Variants in SNTG1 observed in about 807,000 individuals in gnomAD.
The protein encoded by SNTG1 is gamma-1-syntrophin.
A neutral mutation model predicts 74.7 loss-of-function variants in SNTG1; 39 were observed. That is an observed-to-expected ratio of 0.52 (90% CI 0.40 to 0.68). The LOEUF (loss-of-function observed/expected upper bound fraction) is 0.68. Ranked by LOEUF, SNTG1 falls within the 30% of genes least tolerant of loss-of-function variation. The pLI is 0.00. For missense variants in SNTG1, 685 were observed against 609.5 expected (o/e 1.12, Z -1.30); for synonymous variants, 254 against 217.1 (o/e 1.17, Z -1.49).
chr8:50,374,498 G>T (rs75229384), intron 2 of SNTG1, among the ~76,000 whole-genome samples: 2 of 152,150 alleles, frequency 1.3e-5, no homozygotes, highest in African/African-American at 4.8e-5. Context: ...GTTGTAAGGC[G>T]CACAAAAGAT....
intron 13 of SNTG1, among the ~76,000 whole-genome samples, chr8:50,615,142 AG>A (rs1000161482): frequency 1.3e-5 from 2 of 151,916 alleles, no homozygotes; most frequent in Non-Finnish European, 2.9e-5. Context: ...TTGTATTTTT[AG>A]TAGAGACGGG....
intron 2 of SNTG1, among the ~76,000 whole-genome samples, chr8:50,253,648 CAT>C (rs1298233841): frequency 3.4e-5 from 5 of 147,820 alleles, no homozygotes; most frequent in African/African-American, 4.9e-5. Context: ...TATATACACA[CAT>C]ATATATGTAT....
intron 2 of SNTG1, among the ~76,000 whole-genome samples, chr8:50,214,334 A>G (rs1350797765): frequency 6.6e-6 from 1 of 151,590 alleles, no homozygotes; most frequent in Non-Finnish European, 1.5e-5. Context: ...GGTGCAGCAC[A>G]CCAGCATGGC....
chr8:50,563,570 A>T (rs1020048367), intron 12 of SNTG1, among the ~76,000 whole-genome samples: 1 of 152,080 alleles, frequency 6.6e-6, no homozygotes, highest in Non-Finnish European at 1.5e-5. Context: ...TGTCTGATAG[A>T]CAAATTTTTT....
intron 18 of SNTG1, among the ~76,000 whole-genome samples, chr8:50,760,023 G>A (rs2095593545): frequency 1.3e-5 from 2 of 152,066 alleles, no homozygotes; most frequent in African/African-American, 4.8e-5. Context: ...ATTCCCTCGA[G>A]CAGTGGTTTG....
At chr8:50,369,256 T>A (rs2092206657) in intron 2 of SNTG1, among the ~76,000 whole-genome samples, 1 of 152,190 alleles carries the variant, frequency 6.6e-6, no homozygotes, top group African/African-American at 2.4e-5. Flanking sequence ...AGTGAAATGA[T>A]GCCATAAGAA....
At chr8:50,697,646 G>A (rs2095409810) in intron 15 of SNTG1, among the ~76,000 whole-genome samples, 1 of 152,026 alleles carries the variant, frequency 6.6e-6, no homozygotes, top group Admixed American at 6.6e-5. Flanking sequence ...CTCTTATGAA[G>A]CGATGTTGAA....
intron 13 of SNTG1, among the ~76,000 whole-genome samples, chr8:50,649,017 G>A (rs953643087): frequency 1.3e-5 from 2 of 152,080 alleles, no homozygotes; most frequent in Non-Finnish European, 2.9e-5. Context: ...TGTTCCTTGA[G>A]ATTCATTCAT....
chr8:50,014,212 T>C (rs2130606302), intron 1 of SNTG1, among the ~76,000 whole-genome samples: 1 of 152,272 alleles, frequency 6.6e-6, no homozygotes, highest in South Asian at 2.1e-4. Flanking sequence ...CTAAAAATAC[T>C]ATCCCCAGAG....
chr8:50,174,759 G>A (rs998565686), intron 2 of SNTG1, among the ~76,000 whole-genome samples: 2 of 151,866 alleles, frequency 1.3e-5, no homozygotes, highest in East Asian at 3.9e-4. Context: ...TGTGCACAAC[G>A]TGCAGGTTTG....
chr8:50,670,827 A>T (rs1415779347), intron 15 of SNTG1, among the ~76,000 whole-genome samples: 1 of 151,280 alleles, frequency 6.6e-6, no homozygotes, highest in Non-Finnish European at 1.5e-5. Context: ...ACAGCATGGT[A>T]CTGGTACCAA....
At chr8:50,522,938 T>C (rs1324747447) in intron 9 of SNTG1, among the ~76,000 whole-genome samples, 1 of 152,186 alleles carries the variant, frequency 6.6e-6, no homozygotes, top group African/African-American at 2.4e-5. Context: ...GGCTATTTAA[T>C]GGATACATCA....
At chr8:50,622,066 C>T (rs1009520274) in intron 13 of SNTG1, among the ~76,000 whole-genome samples, 1 of 152,152 alleles carries the variant, frequency 6.6e-6, no homozygotes, top group Non-Finnish European at 1.5e-5. Flanking sequence ...CATGCTAATT[C>T]TCCAACTTGC....
chr8:50,149,145 T>C (rs898924633), intron 1 of SNTG1, among the ~76,000 whole-genome samples: 1 of 152,244 alleles, frequency 6.6e-6, no homozygotes, highest in African/African-American at 2.4e-5. Context: ...ATGCCAGTGA[T>C]GATGAGCATT....
chr8:50,013,575 A>G (rs533635389), intron 1 of SNTG1, among the ~76,000 whole-genome samples: 1 of 152,080 alleles, frequency 6.6e-6, no homozygotes, highest in African/African-American at 2.4e-5. Flanking sequence ...GACAGTAACT[A>G]TCTGGAAAAG....
At chr8:50,193,846 T>C (rs183365460) in intron 2 of SNTG1, among the ~76,000 whole-genome samples, 5 of 152,228 alleles carry the variant, frequency 3.3e-5, no homozygotes, top group Non-Finnish European at 5.9e-5. Flanking sequence ...GTATGTCCCT[T>C]GTATGCTGAT....
chr8:50,794,794 G>C lies in SNTG1; in HGVS notation c.*1965G>C, dbSNP rs1451190519. 1 of 151,740 alleles carries C rather than the reference G, an allele frequency of 6.6e-6. No homozygotes were observed. The highest frequency in any genetic ancestry group is 3.2e-3 in the Middle Eastern group (1 of 316). The allele number at this position is 151,740 out of a possible 1,614,324, so 9.4% of individuals were successfully genotyped here. On this transcript the variant is annotated 3_prime_UTR_variant, in exon 19 of 19. Transcript: ENST00000642720. ...ACAATCTGGAAGGCAATATGACATG[G>C]GCTAATTATCCATAAGCAAAAGAAA...
intron 2 of SNTG1, among the ~76,000 whole-genome samples, chr8:50,327,920 T>G (rs1261681954): frequency 1.2e-4 from 19 of 152,186 alleles, no homozygotes; most frequent in Admixed American, 1.2e-3. Context: ...TCTTCACAGA[T>G]AGTTCAAATA....
chr8:50,087,194 A>G (rs1029261105), intron 1 of SNTG1, among the ~76,000 whole-genome samples: 2 of 152,194 alleles, frequency 1.3e-5, no homozygotes, highest in Non-Finnish European at 2.9e-5. Flanking sequence ...GAAAGACTCA[A>G]GAATCTCTGG....
Sources: gnomAD v4.1 joint callset for allele counts (sites outside exome capture counted in the v4.1 genomes callset) on GRCh38, gnomAD v4.1.1 for gene constraint, MANE v1.5 for transcripts, NCBI Gene and HGNC (gene_info 2026-07-23, HGNC 2026-07-21) for gene names.